Variants in SAMMSON observed in about 807,000 individuals in gnomAD.
SAMMSON encodes survival associated mitochondrial melanoma specific oncogenic non-coding RNA.
chr3:70,123,787 C>T (rs2067444644), intron 4 of SAMMSON, among the ~76,000 whole-genome samples: 1 of 152,224 alleles, frequency 6.6e-6, no homozygotes, highest in Non-Finnish European at 1.5e-5. Context: ...CAGAGATGTG[C>T]AGATGTGTTG....
rs948899347 is a variant in SAMMSON, at chr3:70,041,901, T to C, written n.417+28229T>C. 3.9e-5 allele frequency among the ~76,000 whole-genome samples: 6 copies of C among 152,104 alleles called. No homozygotes were observed. In the South Asian group the frequency reaches 6.2e-4, roughly 16 times the overall value. On this transcript the variant is annotated intron_variant and non_coding_transcript_variant, in intron 3 of 9. Coordinates refer to ENST00000642114, the Ensembl canonical transcript of SAMMSON. ...TAACAGGAAAAAAATCTTGCAGTTA[T>C]AGGATGAACAAAAATTGTTTGCAAT...
chr3:70,387,020 A>C (rs1575638866), intron 9 of SAMMSON, among the ~76,000 whole-genome samples: 1 of 151,978 alleles, frequency 6.6e-6, no homozygotes, highest in African/African-American at 2.4e-5. Flanking sequence ...TAGGGAATTG[A>C]GGTATTAATT....
At chr3:70,141,657 G>T (rs11128162) in intron 4 of SAMMSON, among the ~76,000 whole-genome samples, 41,512 of 152,080 alleles carry the variant, frequency 0.27, 6,004 homozygotes, top group East Asian at 0.51. Flanking sequence ...GTTTTTAAAT[G>T]TCTTACATTT....
At chr3:70,009,218 C>T (rs2066943160) in intron 1 of SAMMSON, 1 of 152,130 alleles carries the variant, frequency 6.6e-6, no homozygotes, top group South Asian at 2.1e-4. Flanking sequence ...GGAATGGTAC[C>T]AGCTCCTCCT....
chr3:70,249,613 G>A (rs554953771), exon 6 of SAMMSON: 1 of 152,092 alleles, frequency 6.6e-6, no homozygotes, highest in South Asian at 2.1e-4. Context: ...CTGTGAAAAT[G>A]GAAAGAAATG....
At chr3:70,085,407 T>C (rs2067281896) in intron 4 of SAMMSON, among the ~76,000 whole-genome samples, 1 of 152,180 alleles carries the variant, frequency 6.6e-6, no homozygotes, top group African/African-American at 2.4e-5. Context: ...TTGAGACAAA[T>C]GTAGGGAAGC....
chr3:70,408,311 A>T (rs1701192581), intron 2 of SAMMSON, among the ~76,000 whole-genome samples: 1 of 152,208 alleles, frequency 6.6e-6, no homozygotes, highest in Non-Finnish European at 1.5e-5. Context: ...AACCAGCTTG[A>T]ATTTTTCCTC....
intron 9 of SAMMSON, among the ~76,000 whole-genome samples, chr3:70,382,031 TG>T (rs1327214815): frequency 6.6e-6 from 1 of 152,134 alleles, no homozygotes; most frequent in Non-Finnish European, 1.5e-5. Context: ...CTTCACTTTT[TG>T]GGAATACATA....
chr3:70,214,400 C>A (rs1701385014), intron 4 of SAMMSON, among the ~76,000 whole-genome samples: 1 of 151,950 alleles, frequency 6.6e-6, no homozygotes, highest in Non-Finnish European at 1.5e-5. Context: ...ACATTTTAAG[C>A]CTTTTCAATC....
Position 70,257,305 on chromosome 3 carries a change from G to A in SAMMSON, n.674+7635G>A, listed in dbSNP as rs563520574. 4.6e-5 allele frequency among the ~76,000 whole-genome samples: 7 copies of A among 152,266 alleles called. No homozygotes were observed. The East Asian group carries it at 7.7e-4, about 17-fold the overall frequency. ...TAGACTTCTTTGGTAATTTGGTAAT[G>A]GAGATATTGGGGAAGAATCTTCCCT... On this transcript the variant is annotated intron_variant and non_coding_transcript_variant, in intron 6 of 9. Transcript: ENST00000642114.
At chr3:70,296,343 T>C (rs1342878192) in intron 7 of SAMMSON, among the ~76,000 whole-genome samples, 3 of 152,132 alleles carry the variant, frequency 2.0e-5, no homozygotes, top group Non-Finnish European at 4.4e-5. Flanking sequence ...TGAAACAGAC[T>C]CTTAACATGA....
At chr3:70,237,977 A>ATTTTTTTTTTTTTTTT (rs1251005797) in intron 4 of SAMMSON, among the ~76,000 whole-genome samples, 1 of 13,002 alleles carries the variant, frequency 7.7e-5, no homozygotes, top group South Asian at 2.1e-3. Context: ...ATTGAGTGGT[A>ATTTTTTTTTTTTTTTT]TCTTTTTTTT....
chr3:70,195,010 C>T (rs1409039958), intron 4 of SAMMSON, among the ~76,000 whole-genome samples: 2 of 152,102 alleles, frequency 1.3e-5, no homozygotes, highest in African/African-American at 2.4e-5. Flanking sequence ...ATTGTAACAC[C>T]TGCACCACTG....
intron 4 of SAMMSON, among the ~76,000 whole-genome samples, chr3:70,162,066 G>A (rs1274500298): frequency 6.6e-6 from 1 of 151,444 alleles, no homozygotes; most frequent in Non-Finnish European, 1.5e-5. Context: ...AATTTTGTCA[G>A]TGATTCCAAA....
intron 4 of SAMMSON, among the ~76,000 whole-genome samples, chr3:70,103,540 T>C (rs905550836): frequency 3.9e-5 from 6 of 152,200 alleles, no homozygotes; most frequent in Non-Finnish European, 1.5e-5. Context: ...TCTCAAAAAG[T>C]CTGTCACCCT....
chr3:70,250,292 G>T (rs1467862547), intron 6 of SAMMSON, among the ~76,000 whole-genome samples: 2 of 151,984 alleles, frequency 1.3e-5, no homozygotes, highest in Admixed American at 1.3e-4. Flanking sequence ...ACTCTCTTAG[G>T]ATATAATTTG....
chr3:70,372,558 C>T (rs546435833), intron 9 of SAMMSON, among the ~76,000 whole-genome samples: 2 of 152,172 alleles, frequency 1.3e-5, no homozygotes, highest in East Asian at 3.9e-4. Flanking sequence ...CCTTGGCCTC[C>T]CAAGGTGCTG....
At chr3:70,345,761 G>GTT (rs35590090) in intron 7 of SAMMSON, among the ~76,000 whole-genome samples, 27 of 151,590 alleles carry the variant, frequency 1.8e-4, no homozygotes, top group Admixed American at 7.9e-4. Context: ...TTTTCAGACT[G>GTT]TTTTTTTTAA....
intron 4 of SAMMSON, among the ~76,000 whole-genome samples, chr3:70,146,302 A>T (rs2067548287): frequency 6.6e-6 from 1 of 151,972 alleles, no homozygotes; most frequent in South Asian, 2.1e-4. Flanking sequence ...CGGAGAAAAT[A>T]CCTCCCAACA....
Sources: gnomAD v4.1 joint callset for allele counts (sites outside exome capture counted in the v4.1 genomes callset) on GRCh38, gnomAD v4.1.1 for gene constraint, MANE v1.5 for transcripts, NCBI Gene and HGNC (gene_info 2026-07-23, HGNC 2026-07-21) for gene names.